EHMT1: variants seen among roughly 807,000 people sequenced by gnomAD.
The protein encoded by EHMT1 is histone-lysine N-methyltransferase EHMT1.
Under a neutral mutation model 147.2 loss-of-function variants are expected in EHMT1, and 15 were observed. That is an observed-to-expected ratio of 0.10 (90% CI 0.07 to 0.16). EHMT1 has a LOEUF of 0.16. EHMT1 is among the 10% of genes least tolerant of loss of function. The pLI, the probability that EHMT1 is intolerant of heterozygous loss-of-function variation, is 1.00. For missense variants in EHMT1, 1,587 were observed against 1,772.4 expected, an observed-to-expected ratio of 0.90 and a Z score of 1.88; for synonymous variants, 795 against 709.6, an observed-to-expected ratio of 1.12 and a Z score of -1.91.
At chr9:137,758,770 G>A (rs563297267) in intron 9 of EHMT1, among the ~76,000 whole-genome samples, 1 of 152,254 alleles carries the variant, frequency 6.6e-6, no homozygotes, top group South Asian at 2.1e-4. Context: ...TGAACACTGA[G>A]GGAGGTTTGA....
chr9:137,659,922 G>C (rs568310416), intron 1 of EHMT1, among the ~76,000 whole-genome samples: 1 of 152,092 alleles, frequency 6.6e-6, no homozygotes, highest in South Asian at 2.1e-4. Flanking sequence ...AGTCCAAAAT[G>C]TATTTACCTA....
intron 18 of EHMT1, chr9:137,803,204 A>G (rs1953650434): frequency 8.5e-7 from 1 of 1,183,228 alleles, no homozygotes. Flanking sequence ...TATACAATGA[A>G]ACACTTCATT....
intron 4 of EHMT1, among the ~76,000 whole-genome samples, chr9:137,738,969 TA>T (rs997226822): frequency 2.0e-5 from 3 of 151,516 alleles, no homozygotes; most frequent in Admixed American, 2.0e-4. Context: ...TGGAGGTAGA[TA>T]GGGGTGATAG....
chr9:137,681,226 G>A (rs989255084), intron 1 of EHMT1, among the ~76,000 whole-genome samples: 5 of 152,184 alleles, frequency 3.3e-5, no homozygotes, highest in African/African-American at 1.2e-4. Flanking sequence ...GAGCTGTCCT[G>A]CTGGGGCAGG....
chr9:137,654,435 C>T (rs749487279), intron 1 of EHMT1, among the ~76,000 whole-genome samples: 1 of 143,490 alleles, frequency 7.0e-6, no homozygotes, highest in African/African-American at 2.6e-5. Context: ...ATATGTGAGT[C>T]TGTTTCTGAA....
chr9:137,799,884 CCT>C (rs1209564667), intron 17 of EHMT1, among the ~76,000 whole-genome samples: 4 of 152,342 alleles, frequency 2.6e-5, no homozygotes, highest in Non-Finnish European at 5.9e-5. Context: ...CATCCTCTGA[CCT>C]CTTCTCTCTG....
chr9:137,709,709 G>T (rs147140758), intron 1 of EHMT1, among the ~76,000 whole-genome samples: 1 of 152,138 alleles, frequency 6.6e-6, no homozygotes, highest in Non-Finnish European at 1.5e-5. Context: ...GAATCAGTGC[G>T]TGGCTGGCCT....
At chr9:137,741,408 G>A (rs991790348) in intron 4 of EHMT1, among the ~76,000 whole-genome samples, 1 of 150,276 alleles carries the variant, frequency 6.7e-6, no homozygotes, top group African/African-American at 2.4e-5. Flanking sequence ...GGTAGCAAAC[G>A]TCAGCGCCTT....
rs753105081 is a variant in EHMT1, at chr9:137,728,503, A to G, written c.797A>G (p.Tyr266Cys). Residue 266 changes from tyrosine to cysteine, a missense_variant, in exon 4 of 27, where the codon TAC (tyrosine) becomes TGC (cysteine). Around this residue, in one of 7 missense-constraint regions of EHMT1, gnomAD observed 810 missense variants for 673.0 expected, o/e 1.20. Transcript: ENST00000460843. ...CAGTCGCTACCTCAGAACCAGTGCT[A>G]CATGGCCACCACAAAATCACAGACA... ...LHQSLPQNQCYMATTKSQTAC... is the reference protein window; with the variant it reads ...LHQSLPQNQCCMATTKSQTAC... 5 of 1,614,010 alleles carry G rather than the reference A, an allele frequency of 3.1e-6. No individual in the cohort carries two copies. Among genetic ancestry groups the G allele is most frequent in the Non-Finnish European group, 4.2e-6 (5 of 1,180,034 alleles).
rs147354037 is a variant in EHMT1, at chr9:137,740,167, C to T, written c.824-3204C>T. On this transcript the variant is annotated intron_variant, in intron 4 of 26. Coordinates refer to ENST00000460843, the MANE Select transcript of EHMT1 (RefSeq NM_024757.5). ...CCAGCCTTCCTGCAGAGCAGCTGGG[C>T]AGTGCCCACCCCCACCCCACGCCCA... Among the ~76,000 whole-genome samples, 204 of 152,310 alleles carry T rather than the reference C, an allele frequency of 1.3e-3. 7 individuals are homozygous for T. In the East Asian group the frequency reaches 0.036, roughly 27 times the overall value.
In EHMT1 at chr9:137,834,914, G is replaced by C; in HGVS notation, c.3858G>C (p.Leu1286Phe). Residue 1286 changes from leucine to phenylalanine, a missense_variant, in exon 27 of 27, where the codon TTG becomes TTC. By Grantham distance (22) the Leu-to-Phe change is conservative. Coordinates refer to ENST00000460843, the MANE Select transcript of EHMT1 (RefSeq NM_024757.5). Reference protein sequence around the residue: ...SAAQEAQEDGLPDTSSAAAAD... With the variant: ...SAAQEAQEDGFPDTSSAAAAD... ...CCCAGGAGGCCCAGGAGGACGGCTTGCCCGACACCAGCTCCGCGGCTGCCG... is the reference window on the plus strand; with the variant it reads ...CCCAGGAGGCCCAGGAGGACGGCTTCCCCGACACCAGCTCCGCGGCTGCCG... The C allele has an allele frequency of 6.3e-7, 1 of 1,585,902 alleles. No individual in the cohort carries two copies. Among genetic ancestry groups the C allele is most frequent in the Non-Finnish European group, 8.6e-7 (1 of 1,168,388 alleles).
intron 6 of EHMT1, among the ~76,000 whole-genome samples, chr9:137,749,409 C>G (rs1948800250): frequency 6.6e-6 from 1 of 152,088 alleles, no homozygotes; most frequent in Admixed American, 6.6e-5. Context: ...GTAGCTAGGA[C>G]CACAGGCATG....
chr9:137,794,988 T>C (rs1049944874), intron 16 of EHMT1: 1 of 152,184 alleles, frequency 6.6e-6, no homozygotes, highest in African/African-American at 2.4e-5. Context: ...TTTCCTAAAA[T>C]GTGAGAGGTC....
chr9:137,787,981 C>G lies in EHMT1; in HGVS notation c.2383-2867C>G. On this transcript the variant is annotated intron_variant, in intron 15 of 26. Coordinates refer to ENST00000460843, the MANE Select transcript of EHMT1 (RefSeq NM_024757.5). The surrounding 1 kb of genome is among the most constrained non-coding windows in gnomAD (Gnocchi z 4.2). ...CCCCCACTGGACAGCCCCCCAGGAA[C>G]TGAGGTGCCCTGCAGTAAGTGGAGA... The G allele has an allele frequency of 3.4e-6, 5 of 1,477,430 alleles. No homozygotes were observed. Among genetic ancestry groups the G allele is most frequent in the Non-Finnish European group, 4.7e-6 (5 of 1,065,088 alleles). 91.5% of individuals were successfully genotyped at this position (1,477,430 alleles called of 1,614,324 possible).
At chr9:137,700,123 G>A (rs1943712873) in intron 1 of EHMT1, among the ~76,000 whole-genome samples, 1 of 152,180 alleles carries the variant, frequency 6.6e-6, no homozygotes, top group Non-Finnish European at 1.5e-5. Flanking sequence ...CATGAATATA[G>A]CTACACACCA....
chr9:137,725,186 C>T (rs1347028980), intron 3 of EHMT1, among the ~76,000 whole-genome samples: 5 of 147,208 alleles, frequency 3.4e-5, no homozygotes, highest in Non-Finnish European at 6.0e-5. Context: ...GCATGTCAGA[C>T]GTGGGGCAGG....
At chr9:137,817,376 C>A (rs2132790347) in intron 23 of EHMT1, 63 bp from the exon 24 acceptor site, 1 of 1,595,584 alleles carries the variant, frequency 6.3e-7, no homozygotes, top group Non-Finnish European at 8.6e-7. Flanking sequence ...CTGGCTTTTG[C>A]TGACCATTGT....
At chr9:137,795,423 ACACACTCT>A (rs372510717) in intron 16 of EHMT1, among the ~76,000 whole-genome samples, 9,827 of 32,320 alleles carry the variant, frequency 0.3, 383 homozygotes, top group South Asian at 0.46. Context: ...ACACACACAC[ACACACTCT>A]CACACTCACA....
At position 137,742,289 on chromosome 9, in the gene EHMT1, T is replaced by TTGTGTGTGTGTGTGTG. The variant is rs56080406; in HGVS notation, c.824-1054_824-1039dup. On this transcript the variant is annotated intron_variant, in intron 4 of 26. Coordinates refer to ENST00000460843, the MANE Select transcript of EHMT1 (RefSeq NM_024757.5). ...GCTTCTGCACTTTGTAGAACCAAAT[T>TTGTGTGTGTGTGTGTG]TGTGTGTGTGTGTGTGTGTGTGTGT... Among the ~76,000 whole-genome samples, 251 of 135,152 alleles carry TTGTGTGTGTGTGTGTG rather than the reference T, an allele frequency of 1.9e-3. 3 individuals carry two copies. The highest frequency in any genetic ancestry group is 2.1e-3 in the Non-Finnish European group (138 of 64,302). The allele number at this position is 135,152 out of a possible 152,430, so 88.7% of individuals were successfully genotyped here. A position where few individuals can be genotyped will look rare whatever the true frequency, so the allele number is the denominator to read the frequency against.
Sources: gnomAD v4.1 joint callset for allele counts (sites outside exome capture counted in the v4.1 genomes callset) on GRCh38, gnomAD v4.1.1 for gene constraint, gnomAD v4.1.1 regional missense constraint, Gnocchi (gnomAD v3.1) non-coding constraint, MANE v1.5 for transcripts, NCBI Gene and HGNC (gene_info 2026-07-23, HGNC 2026-07-21) for gene names.